Variants in ODAD3 observed in about 807,000 individuals in gnomAD.
ODAD3 encodes the protein outer dynein arm-docking complex subunit 3.
Under a neutral mutation model 70.9 loss-of-function variants are expected in ODAD3, and 57 were observed. The ratio of observed to expected loss-of-function variants is 0.80; its 90% CI spans 0.65 to 1.00. The LOEUF (loss-of-function observed/expected upper bound fraction) is 1.00. Ranked by LOEUF, ODAD3 falls within the 50% of genes least tolerant of loss-of-function variation. The probability of loss-of-function intolerance (pLI) is 0.00; values close to 1 mark genes in which losing one functional copy is unlikely to be tolerated. For synonymous variants in ODAD3, 327 were observed against 315.9 expected, an observed-to-expected ratio of 1.04 and a Z score of -0.37; for missense variants, 797 against 763.9, an observed-to-expected ratio of 1.04 and a Z score of -0.51.
chr19:11,430,901 T>C lies in ODAD3; in HGVS notation c.364A>G (p.Lys122Glu). The change falls in exon 2 of 13, where the codon AAG (lysine) becomes GAG (glutamate). Residue 122 changes from lysine to glutamate, a missense_variant and splice_region_variant. Coordinates refer to ENST00000356392, the MANE Select transcript of ODAD3 (RefSeq NM_145045.5). ...ALELKLLDLL[K>E]GDEKVVQAVI... ...ACACCCACCCCTTTGCCCCTTACCT[T>C]GAGCAGGTCCAGCAGCTTTAGTTCC... 6.2e-7 allele frequency: 1 copy of C among 1,614,028 alleles called. No individual in the cohort carries two copies. Among genetic ancestry groups the C allele is most frequent in the Non-Finnish European group, 8.5e-7 (1 of 1,179,990 alleles).
rs1227556752 is a variant in ODAD3, at chr19:11,426,289, G to A, written c.841-23C>T. The A allele has an allele frequency of 2.5e-6, 4 of 1,613,170 alleles. No homozygotes were observed. In the African/African-American group the frequency reaches 5.3e-5, roughly 22 times the overall value. ...GTTCTGGAGGGCGGGCAGGGTAGCA[G>A]GGAGACCAGCTGGCACCTACCACTG... is the stretch of plus-strand genomic sequence containing the variant. On this transcript the variant is annotated intron_variant, in intron 6 of 12. Coordinates refer to ENST00000356392, the MANE Select transcript of ODAD3 (RefSeq NM_145045.5).
chr19:11,430,587 A>T, intron 3 of ODAD3, 112 bp downstream of exon 3: 3 of 955,656 alleles, frequency 3.1e-6, no homozygotes, highest in Non-Finnish European at 5.1e-6. Context: ...TTGAATGAGC[A>T]CATGAATGGC....
chr19:11,424,993 A>ATG (rs1199202730), intron 7 of ODAD3, among the ~76,000 whole-genome samples: 6 of 131,482 alleles, frequency 4.6e-5, no homozygotes, highest in East Asian at 2.3e-4. Context: ...ATATGTACAT[A>ATG]TGTGTATATG....
At chr19:11,425,373 ATATG>A (rs1362293852) in intron 7 of ODAD3, among the ~76,000 whole-genome samples, 46 of 133,354 alleles carry the variant, frequency 3.4e-4, no homozygotes, top group African/African-American at 1.3e-3. Context: ...ATATGTGTAT[ATATG>A]TGTGTATGTA....
intron 7 of ODAD3, among the ~76,000 whole-genome samples, chr19:11,424,965 A>ATATATACATATGTG (rs1969249213): frequency 3.3e-5 from 4 of 119,770 alleles, no homozygotes; most frequent in Non-Finnish European, 6.8e-5. Context: ...ACATATGTGT[A>ATATATACATATGTG]TATATGTATA....
chr19:11,424,997 GTATATGTA>G (rs1306830081), intron 7 of ODAD3, among the ~76,000 whole-genome samples: 1 of 124,618 alleles, frequency 8.0e-6, no homozygotes, highest in Non-Finnish European at 1.6e-5. Flanking sequence ...GTACATATGT[GTATATGTA>G]TATATGTGTA....
intron 1 of ODAD3, 75 bp from the exon 2 acceptor site, chr19:11,431,095 C>CT: frequency 6.5e-7 from 1 of 1,542,900 alleles, no homozygotes. Context: ...GAGGAAAGAC[C>CT]TTTTTTGCAA....
chr19:11,424,229 G>A (rs112144750), intron 7 of ODAD3, among the ~76,000 whole-genome samples, 200 bp from the exon 8 acceptor site: 7 of 152,244 alleles, frequency 4.6e-5, no homozygotes, highest in African/African-American at 1.4e-4. Flanking sequence ...CGGGGGCGGT[G>A]GCTGTGGCTC....
intron 7 of ODAD3, 146 bp downstream of exon 7, chr19:11,425,998 C>T: frequency 9.0e-7 from 1 of 1,116,076 alleles, no homozygotes; most frequent in Non-Finnish European, 1.2e-6. Flanking sequence ...GGGGTCTTCG[C>T]ACCAAGTGGG....
At chr19:11,421,580 T>C (rs1969135444) in intron 11 of ODAD3, 97 bp downstream of exon 11, 1 of 1,454,626 alleles carries the variant, frequency 6.9e-7, no homozygotes, top group Non-Finnish European at 9.3e-7. Context: ...CTGATCAGCC[T>C]GCAATCTGGT....
chr19:11,434,231 C>A (rs1381386346), intron 1 of ODAD3, among the ~76,000 whole-genome samples: 122,404 of 137,462 alleles, frequency 0.89, 53,695 homozygotes, highest in Non-Finnish European at 0.93. Flanking sequence ...AAAAACAAAA[C>A]AAAAAAAAAC....
rs1395447998 is a variant in ODAD3, at chr19:11,422,946, C to T, written c.1117-85G>A. The T allele has an allele frequency of 2.0e-6, 3 of 1,474,348 alleles. No homozygotes were observed. Among genetic ancestry groups the T allele is most frequent in the African/African-American group, 2.8e-5 (2 of 72,008 alleles). 91.3% of individuals were successfully genotyped at this position (1,474,348 alleles called of 1,614,324 possible). A position where few individuals can be genotyped will look rare whatever the true frequency, so the allele number is the denominator to read the frequency against. Reference sequence around the variant, plus strand: ...TCCTCTCCCCCACCCTGCGAACCCTCGCACGCAGGACAGGTGGCCTGAGCT... The same window carrying T: ...TCCTCTCCCCCACCCTGCGAACCCTTGCACGCAGGACAGGTGGCCTGAGCT... On this transcript the variant is annotated intron_variant, in intron 8 of 12. Coordinates refer to ENST00000356392, the MANE Select transcript of ODAD3 (RefSeq NM_145045.5). This position sits in a 1 kb window ranked among gnomAD's most constrained non-coding sequence, Gnocchi z 4.6.
intron 7 of ODAD3, 87 bp downstream of exon 7, chr19:11,426,057 A>G: frequency 6.7e-7 from 1 of 1,485,400 alleles, no homozygotes; most frequent in Admixed American, 2.4e-5. Context: ...AAATGGGAGA[A>G]GGCCTAGGAT....
intron 6 of ODAD3, 43 bp downstream of exon 6, chr19:11,426,403 C>T (rs979187793): frequency 8.1e-6 from 13 of 1,612,252 alleles, no homozygotes; most frequent in Admixed American, 1.7e-5. Flanking sequence ...GCTGGGAGAC[C>T]GCGGCAGCTG....
At chr19:11,430,454 TAAC>T in intron 3 of ODAD3, 1 of 526,444 alleles carries the variant, frequency 1.9e-6, no homozygotes, top group Non-Finnish European at 3.4e-6. Flanking sequence ...TTTTTTTTTT[TAAC>T]TTGTTTTCCC....
In ODAD3 at chr19:11,427,026, T is replaced by C. The variant is rs771123707; in HGVS notation, c.459A>G (p.Leu153=). ...KNRTGQALEH[L]DHRLREKVKQ... ...TCACCTTCTCCCTCAGCCGGTGGTCTAGGTGCTCCAGGGCCTGCCGCAAGG... is the reference window on the plus strand; with the variant it reads ...TCACCTTCTCCCTCAGCCGGTGGTCCAGGTGCTCCAGGGCCTGCCGCAAGG... Residue 153 remains leucine (L), a synonymous_variant, in exon 4 of 13, where the codon CTA becomes CTG. Coordinates refer to ENST00000356392, the MANE Select transcript of ODAD3 (RefSeq NM_145045.5). 5 of 1,591,606 alleles carry C rather than the reference T, an allele frequency of 3.1e-6. No individual in the cohort carries two copies. The Admixed American group carries it at 6.8e-5, about 22-fold the overall frequency.
chr19:11,430,915 A>T lies in ODAD3; in HGVS notation c.350T>A (p.Leu117Gln). The part of the protein sequence containing the change: ...RKETKALELK[L>Q]LDLLKGDEKV... ...GCCCCTTACCTTGAGCAGGTCCAGCAGCTTTAGTTCCAGTGCCTTAGTCTC... is the reference window on the plus strand; with the variant it reads ...GCCCCTTACCTTGAGCAGGTCCAGCTGCTTTAGTTCCAGTGCCTTAGTCTC... Residue 117 changes from leucine (L) to glutamine (Q), a missense_variant, in exon 2 of 13, where the codon CTG becomes CAG. By Grantham distance (113) the Leu-to-Gln change is moderately radical. Transcript: ENST00000356392. The T allele has an allele frequency of 6.2e-7, 1 of 1,614,032 alleles. No homozygotes were observed. Among genetic ancestry groups the T allele is most frequent in the Non-Finnish European group, 8.5e-7 (1 of 1,180,012 alleles).
At chr19:11,423,807 C>T in intron 8 of ODAD3, 70 bp downstream of exon 8, 1 of 1,493,900 alleles carries the variant, frequency 6.7e-7, no homozygotes, top group African/African-American at 1.5e-5. Flanking sequence ...GTTTCACCGG[C>T]TTAGGCACCC....
At chr19:11,424,536 T>C (rs1158720026) in intron 7 of ODAD3, among the ~76,000 whole-genome samples, 1 of 133,266 alleles carries the variant, frequency 7.5e-6, no homozygotes, top group Non-Finnish European at 1.6e-5. Context: ...TATATGTATA[T>C]ATGTGTATAT....
Sources: gnomAD v4.1 joint callset for allele counts (sites outside exome capture counted in the v4.1 genomes callset) on GRCh38, gnomAD v4.1.1 for gene constraint, Gnocchi (gnomAD v3.1) non-coding constraint, MANE v1.5 for transcripts, NCBI Gene and HGNC (gene_info 2026-07-23, HGNC 2026-07-21) for gene names.